Variants in DHRS7 observed in about 807,000 individuals in gnomAD.
The protein encoded by DHRS7 is dehydrogenase/reductase SDR family member 7.
DHRS7 carries 34 observed loss-of-function variants against 38.9 expected under a neutral mutation model. The observed-to-expected ratio is 0.87, with a 90% CI of 0.66 to 1.16. The LOEUF (loss-of-function observed/expected upper bound fraction) is 1.16, where lower values mean the gene tolerates loss of function less well. Ranked by LOEUF, DHRS7 falls within the 50% of genes most tolerant of loss-of-function variation. DHRS7 has a pLI of 0.00. For missense variants in DHRS7, 421 were observed against 407.0 expected, an observed-to-expected ratio of 1.03 and a Z score of -0.30; for synonymous variants, 158 against 153.1, an observed-to-expected ratio of 1.03 and a Z score of -0.24.
In DHRS7 at chr14:60,149,347, T is replaced by A. The variant is rs530458404; in HGVS notation, c.972+6A>T. 1 of 1,613,196 alleles carries A rather than the reference T, an allele frequency of 6.2e-7. No homozygotes were observed. Among genetic ancestry groups the A allele is most frequent in the African/African-American group, 1.3e-5 (1 of 74,978 alleles). On this transcript the variant is annotated splice_donor_region_variant and intron_variant, in intron 6 of 6. Coordinates refer to ENST00000557185, the MANE Select transcript of DHRS7 (RefSeq NM_016029.4). ...TACTATTAAGAAACTTAGAAATTGG[T>A]CTTACCACACCACTCTTAAAGTTCT...
chr14:60,154,049 T>C lies in DHRS7; in HGVS notation c.303A>G (p.Lys101=). The C allele has an allele frequency of 6.2e-7, 1 of 1,613,784 alleles. No individual in the cohort carries two copies. The highest frequency in any genetic ancestry group is 8.5e-7 in the Non-Finnish European group (1 of 1,179,756). Residue 101 remains lysine (K), a synonymous_variant, in exon 3 of 7, where the codon AAA becomes AAG. Coordinates refer to ENST00000557185, the MANE Select transcript of DHRS7 (RefSeq NM_016029.4). ...GGGGCAAAACAAGTATATCTTTTTC[T>C]TTTAAATTGCCATTCTCTAAATAAA... ...KRRCLENGNL[K]EKDILVLPLD...
chr14:60,168,387 A>G (rs1192887948), upstream of DHRS7, among the ~76,000 whole-genome samples: 6 of 152,206 alleles, frequency 3.9e-5, no homozygotes, highest in Non-Finnish European at 8.8e-5. Context: ...TAGAACTTCA[A>G]ACACTCATGC....
At position 60,149,468 on chromosome 14, in the gene DHRS7, A is replaced by T; in HGVS notation, c.857T>A (p.Ile286Asn). The T allele has an allele frequency of 6.2e-7, 1 of 1,614,190 alleles. No homozygotes were observed. Among genetic ancestry groups the T allele is most frequent in the African/African-American group, 1.3e-5 (1 of 75,048 alleles). The change falls in exon 6 of 7, where the codon ATC (isoleucine) becomes AAC (asparagine). Residue 286 changes from isoleucine (I) to asparagine (N), a missense_variant. Transcript: ENST00000557185. ...SMANDLKEVW[I>N]SEQPFLLVTY... ...TACTAACAAGAAAGGTTGTTCTGAGATCCAAACTTCTTTCAAATCATTGGC... is the reference window on the plus strand; with the variant it reads ...TACTAACAAGAAAGGTTGTTCTGAGTTCCAAACTTCTTTCAAATCATTGGC...
At chr14:60,165,500 G>A (rs896442088), upstream of DHRS7, 113 of 1,305,534 alleles carry the variant, frequency 8.7e-5, no homozygotes, top group Non-Finnish European at 1.1e-4. This position sits in a 1 kb window ranked among gnomAD's most constrained non-coding sequence, Gnocchi z 4.6. Context: ...CCCACTCGCG[G>A]TCCTTGGGCG....
rs76839707 is a variant in DHRS7 at position 60,161,309 on chromosome 14, C to T, written c.133+3868G>A. On this transcript the variant is annotated intron_variant, in intron 1 of 6. Transcript: ENST00000557185. The surrounding 1 kb of genome is among the most constrained non-coding windows in gnomAD (Gnocchi z 4.2). ...CTTATGTATAGGTGTAAGAATGACT[C>T]ACTATATGAATACATACTAATCATA... Among the ~76,000 whole-genome samples the T allele has an allele frequency of 3.1e-3, 469 of 152,320 alleles. 1 individual carries two copies. The highest frequency in any genetic ancestry group is 0.01 in the African/African-American group (431 of 41,564).
At chr14:60,167,868 G>A (rs959673458), upstream of DHRS7, among the ~76,000 whole-genome samples, 1 of 152,164 alleles carries the variant, frequency 6.6e-6, no homozygotes, top group Non-Finnish European at 1.5e-5. Flanking sequence ...GAGTGCTAAC[G>A]ATCTGGGCAC....
At chr14:60,168,681 C>T (rs1414653924), upstream of DHRS7, 1 of 1,546,060 alleles carries the variant, frequency 6.5e-7, no homozygotes, top group Middle Eastern at 1.7e-4. Context: ...TCTTTTTTCT[C>T]CCCTCTCCAG....
chr14:60,153,646 A>T lies in DHRS7; in HGVS notation c.393+313T>A, dbSNP rs1896595293. ...GGGAGGCGGAGATTGCAGTGAACCG[A>T]TATCACACCACTGCACTCCAGCCTG... On this transcript the variant is annotated intron_variant, in intron 3 of 6. Transcript: ENST00000557185. The surrounding 1 kb of genome is among the most constrained non-coding windows in gnomAD (Gnocchi z 4.4). Among the ~76,000 whole-genome samples, 1 of 152,204 alleles carries T rather than the reference A, an allele frequency of 6.6e-6. No homozygotes were observed. The highest frequency in any genetic ancestry group is 1.5e-5 in the Non-Finnish European group (1 of 68,038).
upstream of DHRS7, among the ~76,000 whole-genome samples, chr14:60,168,469 T>C (rs1896893639): frequency 6.6e-6 from 1 of 152,204 alleles, no homozygotes; most frequent in Non-Finnish European, 1.5e-5. Flanking sequence ...AATTCCCTGG[T>C]TCTGTTATTG....
In DHRS7 at chr14:60,149,396, T is replaced by C; in HGVS notation, c.929A>G (p.Asn310Ser). The C allele has an allele frequency of 5.6e-6, 9 of 1,614,214 alleles. No individual in the cohort carries two copies. The highest frequency in any genetic ancestry group is 7.6e-6 in the Non-Finnish European group (9 of 1,180,028). Residue 310 changes from asparagine (N) to serine (S), a missense_variant, in exon 6 of 7, where the codon AAC (asparagine) becomes AGC (serine). By Grantham distance (46) the Asn-to-Ser change is conservative. Coordinates refer to ENST00000557185, the MANE Select transcript of DHRS7 (RefSeq NM_016029.4). ...YMPTWAWWIT[N>S]KMGKKRIENF... is the part of the protein sequence containing the mutation. The stretch of plus-strand genomic sequence containing the variant: ...CTCAATCCTTTTCTTCCCCATCTTG[T>C]TGGTTATCCACCAGGCCCAGGTTGG...
chr14:60,169,323 C>A (rs1368766134), upstream of DHRS7, among the ~76,000 whole-genome samples: 1 of 152,068 alleles, frequency 6.6e-6, no homozygotes, highest in Non-Finnish European at 1.5e-5. Flanking sequence ...ATGCTCACCT[C>A]CTGTGTGCAA....
upstream of DHRS7, chr14:60,168,620 C>A: frequency 1.4e-6 from 2 of 1,456,856 alleles, no homozygotes; most frequent in African/African-American, 1.4e-5. Flanking sequence ...TTAAAATATG[C>A]AAATATTTTC....
chr14:60,150,193 A>AGG lies in DHRS7; in HGVS notation c.634-7_634-6insCC, dbSNP rs770629720. 1 of 1,444,936 alleles carries AGG rather than the reference A, an allele frequency of 6.9e-7. No individual in the cohort carries two copies. The allele number at this position is 1,444,936 out of a possible 1,614,324, so 89.5% of individuals were successfully genotyped here. On this transcript the variant is annotated splice_polypyrimidine_tract_variant and splice_region_variant and intron_variant, in intron 4 of 6. Transcript: ENST00000557185. ...CGAAGGCCATTAAAAAAACCCTAAC[A>AGG]GACAAAAAAAAAAAAAAAGGAAAAA...
chr14:60,168,433 C>T (rs1028333732), upstream of DHRS7, among the ~76,000 whole-genome samples: 5 of 152,120 alleles, frequency 3.3e-5, no homozygotes, highest in South Asian at 4.1e-4. Flanking sequence ...GAAATTTGAA[C>T]GAGGTCTGTG....
At position 60,165,355 on chromosome 14, in the gene DHRS7, C is replaced by A; in HGVS notation, c.-46G>T. The A allele has an allele frequency of 1.3e-6, 2 of 1,543,526 alleles. No individual in the cohort carries two copies. Among genetic ancestry groups the A allele is most frequent in the Non-Finnish European group, 1.7e-6 (2 of 1,149,354 alleles). ...TCGGGGGGAAGAAGACGGCCCGCAC[C>A]AGAGTCGCGTCGCTGCCCTGCGGGA... is the stretch of plus-strand genomic sequence containing the variant. On this transcript the variant is annotated 5_prime_UTR_variant, in exon 1 of 7. Coordinates refer to ENST00000557185, the MANE Select transcript of DHRS7 (RefSeq NM_016029.4). This position sits in a 1 kb window ranked among gnomAD's most constrained non-coding sequence, Gnocchi z 4.6.
rs1566527187 is a variant in DHRS7, at chr14:60,144,356, C to G, written c.*610G>C. On this transcript the variant is annotated 3_prime_UTR_variant, in exon 7 of 7. Coordinates refer to ENST00000557185, the MANE Select transcript of DHRS7 (RefSeq NM_016029.4). ...GGATGTTTTTGTCCCCTCCAAAATT[C>G]ATGTCGAAACTTAATCCCCAAAGCA... The G allele has an allele frequency of 6.6e-6, 1 of 152,372 alleles. No homozygotes were observed. 9.4% of individuals were successfully genotyped at this position (152,372 alleles called of 1,614,324 possible).
upstream of DHRS7, chr14:60,169,133 C>CAAAAAAAAAAAAAAAAAAAAAAAAAA (rs36035004): frequency 4.0e-4 from 11 of 27,392 alleles, 3 homozygotes; most frequent in African/African-American, 6.3e-4. Context: ...CAAAAGAAAC[C>CAAAAAAAAAAAAAAAAAAAAAAAAAA]AAAAAAAAAA....
Position 60,150,112 on chromosome 14 carries a change from C to A in DHRS7, c.709G>T (p.Val237Leu). The change falls in exon 5 of 7, where the codon GTG (valine) becomes TTG (leucine). Residue 237 changes from valine (V) to leucine (L), a missense_variant. Coordinates refer to ENST00000557185, the MANE Select transcript of DHRS7 (RefSeq NM_016029.4). The part of the protein sequence containing the change: ...IIVSNICPGP[V>L]QSNIVENSLA... ...GAATTCTCCACAATATTTGATTGCA[C>A]AGGTCCTGGGCAAATGTTAGAAACT... 6.2e-7 allele frequency: 1 copy of A among 1,605,570 alleles called. No homozygotes were observed. Among genetic ancestry groups the A allele is most frequent in the South Asian group, 1.1e-5 (1 of 89,660 alleles).
chr14:60,156,391 C>G (rs188251951), intron 1 of DHRS7, among the ~76,000 whole-genome samples: 1 of 151,614 alleles, frequency 6.6e-6, no homozygotes, highest in Non-Finnish European at 1.5e-5. Context: ...TATTACAGAA[C>G]CTTCATGACT....
Sources: allele counts gnomAD v4.1 joint callset (sites outside exome capture counted in the v4.1 genomes callset), GRCh38; gene constraint gnomAD v4.1.1; non-coding constraint Gnocchi (gnomAD v3.1); transcripts MANE v1.5; gene names NCBI Gene and HGNC (gene_info 2026-07-23, HGNC 2026-07-21).